The following ELN variants were observed in gnomAD, a reference collection of about 807,000 sequenced individuals.
ELN encodes the protein elastin, also known as tropoelastin.
Under a neutral mutation model 105.8 loss-of-function variants are expected in ELN, and 65 were observed. The observed-to-expected ratio is 0.61, with a 90% CI of 0.50 to 0.75. ELN has a LOEUF of 0.75. Among genes scored for constraint, ELN ranks in the 30% least tolerant of loss-of-function variants. ELN has a pLI of 0.00. For missense variants in ELN, 882 were observed against 969.4 expected (o/e 0.91, Z 1.20); for synonymous variants, 368 against 389.2 (o/e 0.95, Z 0.64).
intron 10 of ELN, 76 bp from the exon 11 acceptor site, chr7:74,046,112 C>A (rs1554671952): frequency 1.9e-6 from 3 of 1,600,238 alleles, no homozygotes; most frequent in Non-Finnish European, 2.6e-6. Flanking sequence ...ATTCCTTGGG[C>A]CTCCTGGCCC....
intron 2 of ELN, 59 bp from the exon 3 acceptor site, chr7:74,036,496 A>C (rs941356880): frequency 4.2e-5 from 68 of 1,609,944 alleles, no homozygotes; most frequent in Non-Finnish European, 5.3e-5. Context: ...TGGGGGTGGC[A>C]GCGGGCTTGC....
chr7:74,064,380 A>G (rs1306014751), intron 29 of ELN, among the ~76,000 whole-genome samples: 6 of 149,998 alleles, frequency 4.0e-5, no homozygotes, highest in South Asian at 2.1e-4. Context: ...GCGCCACTGC[A>G]CTCCAGCCTG....
chr7:74,049,084 C>CATCT (rs1793281680), intron 15 of ELN, among the ~76,000 whole-genome samples: 1 of 151,382 alleles, frequency 6.6e-6, no homozygotes, highest in Admixed American at 6.6e-5. Flanking sequence ...TCCATCCATC[C>CATCT]ATCCATCCAT....
intron 13 of ELN, 64 bp from the exon 14 acceptor site, chr7:74,048,078 G>A: frequency 6.3e-7 from 1 of 1,599,358 alleles, no homozygotes; most frequent in Non-Finnish European, 8.6e-7. Context: ...GCAGAGCAGG[G>A]GGAGGGGGAG....
Position 74,065,945 on chromosome 7 carries a change from T to A in ELN, c.2034T>A (p.Gly678=), listed in dbSNP as rs1797845725. 1 of 1,613,998 alleles carries A rather than the reference T, an allele frequency of 6.2e-7. No individual in the cohort carries two copies. The highest frequency in any genetic ancestry group is 1.7e-5 in the Admixed American group (1 of 59,990). Residue 678 remains glycine (G), a splice_region_variant and synonymous_variant, in exon 31 of 33, where the codon GGT becomes GGA. Coordinates refer to ENST00000252034, the MANE Select transcript of ELN (RefSeq NM_000501.4). ...PAAAAKAAKY[G]AAGLGGVLGG... ...CTGACCCCACCTGCCTCTTCTCAGG[T>A]GCTGCTGGCCTTGGAGGTGTCCTAG...
At chr7:74,037,308 C>G (rs782645783) in intron 3 of ELN, among the ~76,000 whole-genome samples, 42 of 152,158 alleles carry the variant, frequency 2.8e-4, no homozygotes, top group Non-Finnish European at 4.7e-4. Flanking sequence ...ATTCTCCTGC[C>G]TCAGCCTCCT....
At chr7:74,042,742 C>G (rs782048640) in intron 6 of ELN, 36 bp downstream of exon 6, 11 of 1,608,200 alleles carry the variant, frequency 6.8e-6, no homozygotes, top group South Asian at 6.6e-5. Flanking sequence ...CACAAGCCCT[C>G]TGGCTTCCGT....
At position 74,068,736 on chromosome 7, in the gene ELN, G is replaced by T. The variant is rs370665836; in HGVS notation, c.*36G>T. ...ACCCCTGACTCACGACCTCATCAAC[G>T]TTGGTGCTACTGCTTGGTGGAGAAT... On this transcript the variant is annotated 3_prime_UTR_variant, in exon 33 of 33. Transcript: ENST00000252034. The T allele has an allele frequency of 6.7e-5, 108 of 1,612,532 alleles. No individual in the cohort carries two copies. Among genetic ancestry groups the T allele is most frequent in the Non-Finnish European group, 6.8e-6 (8 of 1,178,774 alleles).
intron 15 of ELN, among the ~76,000 whole-genome samples, chr7:74,050,643 T>A (rs373225479): frequency 7.1e-6 from 1 of 141,326 alleles, no homozygotes. Flanking sequence ...TCATTCATTC[T>A]TTCCTCCATG....
chr7:74,052,202 A>G (rs1794206087), intron 17 of ELN: 1 of 598,758 alleles, frequency 1.7e-6, no homozygotes. Context: ...TGCAGAGGGG[A>G]CATGGCTCCT....
At position 74,045,293 on chromosome 7, in the gene ELN, G is replaced by A; in HGVS notation, c.541G>A (p.Gly181Ser). The A allele has an allele frequency of 1.2e-6, 2 of 1,614,052 alleles. No homozygotes were observed. The highest frequency in any genetic ancestry group is 1.7e-6 in the Non-Finnish European group (2 of 1,180,032). The change falls in exon 10 of 33, where the codon GGT becomes AGT. Residue 181 changes from glycine (G) to serine (S), a missense_variant and splice_region_variant. Transcript: ENST00000252034. ...TGAGVKPKAP[G>S]VGGAFAGIPG... ...AGCAGGAGTTAAGCCCAAGGCTCCA[G>A]GTATGCAGCTGTCTGGACAGAGGGC... is the stretch of plus-strand genomic sequence containing the variant.
At chr7:74,058,529 T>G (rs968068995) in intron 22 of ELN, among the ~76,000 whole-genome samples, 3 of 152,078 alleles carry the variant, frequency 2.0e-5, no homozygotes, top group Admixed American at 2.0e-4. Context: ...AATTTTTTAA[T>G]TTTTTTGTAG....
chr7:74,064,591 G>A (rs1244475435), intron 29 of ELN, among the ~76,000 whole-genome samples: 1 of 152,196 alleles, frequency 6.6e-6, no homozygotes, highest in East Asian at 1.9e-4. Flanking sequence ...ACTCCAGCCT[G>A]AGCAACAGAG....
chr7:74,044,067 A>AG, intron 9 of ELN, 147 bp downstream of exon 9: 1 of 1,100,740 alleles, frequency 9.1e-7, no homozygotes, highest in East Asian at 2.6e-5. Context: ...GCATCATAGT[A>AG]AGGCCCTCGT....
intron 1 of ELN, among the ~76,000 whole-genome samples, chr7:74,033,274 C>A (rs1325931438): frequency 6.6e-6 from 1 of 152,226 alleles, no homozygotes; most frequent in African/African-American, 2.4e-5. Context: ...CTGTTCCCTG[C>A]AGTCTGCTCT....
intron 15 of ELN, among the ~76,000 whole-genome samples, chr7:74,050,094 C>A (rs574749317): frequency 6.7e-6 from 1 of 149,866 alleles, no homozygotes; most frequent in South Asian, 2.1e-4. Context: ...TCCATCTATT[C>A]CTCCATGCAT....
intron 4 of ELN, among the ~76,000 whole-genome samples, chr7:74,039,722 C>T (rs1318108259): frequency 6.6e-6 from 1 of 152,382 alleles, no homozygotes; most frequent in African/African-American, 2.4e-5. Context: ...TGGGAGCACC[C>T]ACTGTGTGCC....
intron 8 of ELN, chr7:74,043,448 C>T (rs1791720444): frequency 4.3e-6 from 3 of 699,220 alleles, no homozygotes; most frequent in East Asian, 2.7e-5. Context: ...CTCAAAGAGG[C>T]GAGTCAGTGT....
At chr7:74,062,452 G>C (rs995363130) in intron 26 of ELN, among the ~76,000 whole-genome samples, 1 of 152,220 alleles carries the variant, frequency 6.6e-6, no homozygotes, top group Admixed American at 6.5e-5. Flanking sequence ...AATGACAATA[G>C]TGCCTACCTT....
Sources: gnomAD v4.1 joint callset for allele counts (sites outside exome capture counted in the v4.1 genomes callset) on GRCh38, gnomAD v4.1.1 for gene constraint, MANE v1.5 for transcripts, NCBI Gene and HGNC (gene_info 2026-07-23, HGNC 2026-07-21) for gene names.